ADAM18: variants seen among roughly 807,000 people sequenced by gnomAD.
ADAM18 encodes ADAM metallopeptidase domain 18, also known as disintegrin and metalloproteinase domain-containing protein 18.
In ADAM18, 117 loss-of-function variants were observed where a neutral mutation model predicts 94.4. The observed-to-expected ratio is 1.24, with a 90% confidence interval of 1.07 to 1.45. The LOEUF is 1.45. Ranked by LOEUF, ADAM18 falls within the 40% of genes most tolerant of loss-of-function variation. The probability of loss-of-function intolerance (pLI) is 0.00; values close to 1 mark genes in which losing one functional copy is unlikely to be tolerated. For missense variants in ADAM18, 936 were observed against 880.0 expected (o/e 1.06, Z -0.81); for synonymous variants, 327 against 291.6 (o/e 1.12, Z -1.24).
chr8:39,620,317 A>AT (rs1819571010), intron 6 of ADAM18, among the ~76,000 whole-genome samples: 2 of 147,148 alleles, frequency 1.4e-5, no homozygotes, highest in Admixed American at 1.4e-4. Context: ...CTGAGCAAAG[A>AT]TTTTTTTAGA....
chr8:39,608,490 A>G (rs549901421), intron 3 of ADAM18, among the ~76,000 whole-genome samples: 4 of 151,880 alleles, frequency 2.6e-5, no homozygotes, highest in African/African-American at 7.2e-5. Flanking sequence ...TACAAAGCAT[A>G]TTTCTGCTTG....
intron 2 of ADAM18, among the ~76,000 whole-genome samples, chr8:39,604,475 G>A (rs918980128): frequency 3.9e-5 from 6 of 152,148 alleles, no homozygotes; most frequent in African/African-American, 1.4e-4. Context: ...CAGTGTTGGA[G>A]GTGAGGTCTG....
At chr8:39,617,417 T>C (rs1006497385) in intron 6 of ADAM18, among the ~76,000 whole-genome samples, 1 of 152,198 alleles carries the variant, frequency 6.6e-6, no homozygotes, top group African/African-American at 2.4e-5. Context: ...GTTCAGGCAC[T>C]GTGGAAAGCA....
At chr8:39,596,986 T>A (rs1310387563) in intron 2 of ADAM18, among the ~76,000 whole-genome samples, 1 of 152,182 alleles carries the variant, frequency 6.6e-6, no homozygotes, top group Non-Finnish European at 1.5e-5. Flanking sequence ...ACAGAATCTT[T>A]CAATATACCA....
At chr8:39,587,675 A>AACTCAAGTGTATC (rs1818444925) in intron 2 of ADAM18, among the ~76,000 whole-genome samples, 1 of 152,066 alleles carries the variant, frequency 6.6e-6, no homozygotes, top group African/African-American at 2.4e-5. Flanking sequence ...TGAACTCCTG[A>AACTCAAGTGTATC]ACTCAAGTGA....
At chr8:39,611,423 G>GAA (rs113833733) in intron 6 of ADAM18, 9,736 of 758,432 alleles carry the variant, frequency 0.013, no homozygotes, top group Middle Eastern at 0.022. Flanking sequence ...TGTGAATCCT[G>GAA]AAAAAAAAAA....
intron 2 of ADAM18, among the ~76,000 whole-genome samples, chr8:39,589,978 C>A (rs1397519991): frequency 6.8e-6 from 1 of 147,814 alleles, no homozygotes; most frequent in Non-Finnish European, 1.5e-5. Context: ...CACTTTTACA[C>A]TGTTGGTGGG....
intron 16 of ADAM18, among the ~76,000 whole-genome samples, chr8:39,680,669 C>T (rs868725512): frequency 1.3e-5 from 2 of 152,124 alleles, no homozygotes; most frequent in Non-Finnish European, 2.9e-5. Context: ...AGTGCATATA[C>T]AGGCTCATGC....
chr8:39,718,440 G>C (rs1822641060), intron 18 of ADAM18, among the ~76,000 whole-genome samples: 2 of 151,618 alleles, frequency 1.3e-5, no homozygotes, highest in Non-Finnish European at 3.0e-5. Flanking sequence ...ATGATGCTAA[G>C]TGAAATAAGC....
At chr8:39,620,529 A>T (rs1303389916) in intron 6 of ADAM18, among the ~76,000 whole-genome samples, 2 of 147,922 alleles carry the variant, frequency 1.4e-5, no homozygotes, top group Non-Finnish European at 3.0e-5. Context: ...AAGAACACAT[A>T]CAAGTAGCCA....
rs1820348500 is a variant in ADAM18, at chr8:39,645,325, T to C, written c.910-13T>C. ...ACACATAATAATTTTCTTTTTCATG[T>C]CTTTTATTTTAGTATCCAGATGCAA... On this transcript the variant is annotated splice_polypyrimidine_tract_variant and intron_variant, in intron 10 of 19. Coordinates refer to ENST00000265707, the MANE Select transcript of ADAM18 (RefSeq NM_014237.3). 2 of 1,582,558 alleles carry C rather than the reference T, an allele frequency of 1.3e-6. No homozygotes were observed. Among genetic ancestry groups the C allele is most frequent in the Non-Finnish European group, 1.7e-6 (2 of 1,166,992 alleles).
At chr8:39,656,369 A>G (rs1034932742) in intron 12 of ADAM18, among the ~76,000 whole-genome samples, 44 of 152,276 alleles carry the variant, frequency 2.9e-4, no homozygotes, top group African/African-American at 9.6e-4. Context: ...CAAAAAGGAC[A>G]GAGGAATGCA....
intron 17 of ADAM18, among the ~76,000 whole-genome samples, chr8:39,705,029 C>G (rs1052069126): frequency 1.1e-4 from 17 of 152,062 alleles, no homozygotes; most frequent in African/African-American, 3.9e-4. Context: ...AAATGATGGT[C>G]TTCCATATAA....
intron 2 of ADAM18, among the ~76,000 whole-genome samples, chr8:39,602,216 T>C (rs1818928637): frequency 6.6e-6 from 1 of 152,202 alleles, no homozygotes; most frequent in African/African-American, 2.4e-5. Flanking sequence ...AATAATTCTA[T>C]ATTTTATATG....
intron 6 of ADAM18, among the ~76,000 whole-genome samples, chr8:39,625,873 C>A (rs1819754130): frequency 6.6e-6 from 1 of 151,998 alleles, no homozygotes; most frequent in Admixed American, 6.6e-5. Flanking sequence ...GAGGTGAAAC[C>A]TTCTGATCAT....
At chr8:39,593,817 T>C (rs1207714027) in intron 2 of ADAM18, among the ~76,000 whole-genome samples, 1 of 152,228 alleles carries the variant, frequency 6.6e-6, no homozygotes, top group African/African-American at 2.4e-5. Flanking sequence ...TTGATACTAA[T>C]ATAACAATTT....
intron 19 of ADAM18, among the ~76,000 whole-genome samples, chr8:39,725,519 C>T (rs1393897515): frequency 6.6e-6 from 1 of 152,140 alleles, no homozygotes; most frequent in Non-Finnish European, 1.5e-5. Context: ...CTCTTGGCAA[C>T]CACTGTTCTA....
chr8:39,606,753 G>A (rs1819098809), intron 3 of ADAM18, among the ~76,000 whole-genome samples: 1 of 152,098 alleles, frequency 6.6e-6, no homozygotes, highest in African/African-American at 2.4e-5. Flanking sequence ...TTAATCACCT[G>A]GGGGCAGGCG....
intron 12 of ADAM18, among the ~76,000 whole-genome samples, chr8:39,657,073 A>G (rs1477613328): frequency 6.6e-6 from 1 of 152,248 alleles, no homozygotes; most frequent in East Asian, 1.9e-4. Flanking sequence ...AAAAGAAAGC[A>G]GAGAAATAGC....
Sources: gnomAD v4.1 joint callset for allele counts (sites outside exome capture counted in the v4.1 genomes callset) on GRCh38, gnomAD v4.1.1 for gene constraint, MANE v1.5 for transcripts, NCBI Gene and HGNC (gene_info 2026-07-23, HGNC 2026-07-21) for gene names.